MICAL2: variants seen among roughly 807,000 people sequenced by gnomAD.
The protein encoded by MICAL2 is [F-actin]-monooxygenase MICAL2.
A neutral mutation model predicts 127.3 loss-of-function variants in MICAL2; 77 were observed. The observed-to-expected ratio is 0.60, with a 90% CI of 0.50 to 0.73. The LOEUF is 0.73. Ranked by LOEUF, MICAL2 falls within the 30% of genes least tolerant of loss-of-function variation. The pLI, the probability that MICAL2 is intolerant of heterozygous loss-of-function variation, is 0.00. For missense variants in MICAL2, 1,351 were observed against 1,434.4 expected (o/e 0.94, Z 0.94); for synonymous variants, 570 against 551.1 (o/e 1.03, Z -0.48).
Position 12,245,132 on chromosome 11 carries a change from G to T in MICAL2, c.2784+1020G>T, listed in dbSNP as rs561626916. On this transcript the variant is annotated intron_variant, in intron 21 of 27. Coordinates refer to ENST00000683283, the MANE Select transcript of MICAL2 (RefSeq NM_001282663.2). ...TGGGAGAGGGTCTGTCTTCTGGGAA[G>T]GCTGGCCTCTGGAATGAATGAATCT... Among the ~76,000 whole-genome samples, 49 of 152,296 alleles carry T rather than the reference G, an allele frequency of 3.2e-4. 1 individual carries two copies. The South Asian group carries it at 9.3e-3, about 29-fold the overall frequency.
chr11:12,326,905 G>C (rs1210095425), intron 31 of MICAL2, among the ~76,000 whole-genome samples: 1 of 152,206 alleles, frequency 6.6e-6, no homozygotes, highest in Non-Finnish European at 1.5e-5. Flanking sequence ...GGACATCTGT[G>C]ATTGGCCTTG....
chr11:12,204,119 G>C (rs921898107), intron 3 of MICAL2, 131 bp from the exon 4 acceptor site: 1 of 813,908 alleles, frequency 1.2e-6, no homozygotes, highest in Non-Finnish European at 2.0e-6. Context: ...GGCCCTAACA[G>C]GTACACAGCT....
intron 3 of MICAL2, among the ~76,000 whole-genome samples, chr11:12,165,178 A>G (rs115818119): frequency 0.018 from 111 of 6,282 alleles, no homozygotes; most frequent in Non-Finnish European, 0.056. Context: ...AGAAAGAAAT[A>G]AAAAAATCAC....
rs76258546 is a variant in MICAL2 at position 12,269,288 on chromosome 11, C to A, written c.3335-6698C>A. On this transcript the variant is annotated intron_variant, in intron 24 of 34. Coordinates refer to the MICAL2 transcript ENST00000646065. ...CCGAGAAACTTAGAGTTCTTCCTGC[C>A]CTCCTCATTCAGAGGAATGCGGGTA... Among the ~76,000 whole-genome samples the A allele has an allele frequency of 7.4e-3, 1,131 of 152,266 alleles. 12 individuals are homozygous for A. Among genetic ancestry groups the A allele is most frequent in the African/African-American group, 0.026 (1,070 of 41,552 alleles).
intron 25 of MICAL2, among the ~76,000 whole-genome samples, chr11:12,259,408 A>C (rs1232890030): frequency 6.6e-6 from 1 of 152,228 alleles, no homozygotes; most frequent in Non-Finnish European, 1.5e-5. Flanking sequence ...CTAGTCTATA[A>C]ATGGTCAATA....
downstream of MICAL2, among the ~76,000 whole-genome samples, chr11:12,289,418 C>A (rs1358397425): frequency 1.3e-5 from 2 of 152,190 alleles, no homozygotes; most frequent in African/African-American, 4.8e-5. Flanking sequence ...TGTGCAGCCC[C>A]CTCTGGAATG....
intron 24 of MICAL2, among the ~76,000 whole-genome samples, chr11:12,268,892 G>A (rs1030986728): frequency 7.2e-5 from 11 of 152,028 alleles, no homozygotes; most frequent in African/African-American, 2.7e-4. Flanking sequence ...CCAGCTACTC[G>A]GGAGGCTGAG....
intron 4 of MICAL2, among the ~76,000 whole-genome samples, chr11:12,205,651 C>A (rs1249963372): frequency 6.6e-6 from 1 of 152,206 alleles, no homozygotes; most frequent in Non-Finnish European, 1.5e-5. Flanking sequence ...TGGGGCAAAT[C>A]CCTTACCCTC....
chr11:12,216,900 G>GAT (rs745394490), intron 8 of MICAL2, among the ~76,000 whole-genome samples: 4 of 152,182 alleles, frequency 2.6e-5, no homozygotes, highest in African/African-American at 9.7e-5. Flanking sequence ...GCAAACAGAA[G>GAT]ATATATATAG....
rs1174471338 is a variant in MICAL2, at chr11:12,260,058, GC to G, written c.3334+163del. ...TGTACGAGCTCCTGAGCCTGGGGCT[GC>G]CACTCCTCTGGGCGTTCTCTGAGGT... is the stretch of plus-strand genomic sequence containing the variant. On this transcript the variant is annotated intron_variant, in intron 26 of 27. Coordinates refer to ENST00000683283, the MANE Select transcript of MICAL2 (RefSeq NM_001282663.2). 3 of 1,539,450 alleles carry G rather than the reference GC, an allele frequency of 1.9e-6. No individual in the cohort carries two copies. In the Admixed American group the frequency reaches 5.9e-5, roughly 30 times the overall value.
intron 3 of MICAL2, among the ~76,000 whole-genome samples, chr11:12,172,536 G>C (rs895942971): frequency 2.8e-4 from 43 of 152,152 alleles, no homozygotes; most frequent in African/African-American, 1.0e-3. Context: ...AAGAAACAAG[G>C]TGGGAGACAT....
intron 1 of MICAL2, among the ~76,000 whole-genome samples, chr11:12,280,018 T>C (rs1863755682): frequency 6.6e-6 from 1 of 152,246 alleles, no homozygotes; most frequent in Admixed American, 6.5e-5. Context: ...AACACATCAC[T>C]GCTTGAGCAG....
intron 1 of MICAL2, among the ~76,000 whole-genome samples, chr11:12,131,650 G>A (rs1190399129): frequency 6.6e-6 from 1 of 152,156 alleles, no homozygotes; most frequent in African/African-American, 2.4e-5. Flanking sequence ...TTTCCTGGGA[G>A]TTCTTTCTCA....
At chr11:12,336,604 C>G (rs1326373928) in intron 32 of MICAL2, among the ~76,000 whole-genome samples, 1 of 152,028 alleles carries the variant, frequency 6.6e-6, no homozygotes, top group Non-Finnish European at 1.5e-5. Context: ...ATAGATGGCT[C>G]TTATTATTTT....
intron 3 of MICAL2, among the ~76,000 whole-genome samples, chr11:12,187,394 G>A (rs1858442518): frequency 1.3e-5 from 2 of 152,182 alleles, no homozygotes; most frequent in South Asian, 4.1e-4. Context: ...GTTTCTAGGG[G>A]TGTGGTCCTG....
intron 29 of MICAL2, among the ~76,000 whole-genome samples, chr11:12,316,928 A>C (rs1864238930): frequency 6.6e-6 from 1 of 152,136 alleles, no homozygotes; most frequent in Admixed American, 6.6e-5. Flanking sequence ...TGTGGTCTCT[A>C]TCAATGCCTT....
At chr11:12,261,630 G>C in intron 26 of MICAL2, 1 of 985,498 alleles carries the variant, frequency 1.0e-6, no homozygotes, top group Non-Finnish European at 1.2e-6. Flanking sequence ...GTGTGCCTGG[G>C]TGTGGGTGAG....
At chr11:12,327,604 A>C (rs1864369282) in intron 32 of MICAL2, among the ~76,000 whole-genome samples, 1 of 152,136 alleles carries the variant, frequency 6.6e-6, no homozygotes. Flanking sequence ...AATTCAGGAG[A>C]AATATATGGG....
downstream of MICAL2, among the ~76,000 whole-genome samples, chr11:12,264,680 A>G (rs1292744385): frequency 1.3e-5 from 2 of 152,134 alleles, no homozygotes; most frequent in Non-Finnish European, 2.9e-5. Flanking sequence ...CTACCTTCAG[A>G]GCTGCCTCAG....
Sources: allele counts gnomAD v4.1 joint callset (sites outside exome capture counted in the v4.1 genomes callset), GRCh38; gene constraint gnomAD v4.1.1; transcripts MANE v1.5; gene names NCBI Gene and HGNC (gene_info 2026-07-23, HGNC 2026-07-21).